CFAP61: variants seen among roughly 807,000 people sequenced by gnomAD.
CFAP61 encodes the protein cilia- and flagella-associated protein 61.
CFAP61 carries 107 observed loss-of-function variants against 135.6 expected under a neutral mutation model. The observed-to-expected ratio is 0.79, with a 90% CI of 0.67 to 0.93. The LOEUF (loss-of-function observed/expected upper bound fraction) is 0.93, where lower values mean the gene tolerates loss of function less well. Among genes scored for constraint, CFAP61 ranks in the 40% least tolerant of loss-of-function variants. CFAP61 has a pLI of 0.00. For synonymous variants in CFAP61, 575 were observed against 578.5 expected, an observed-to-expected ratio of 0.99 and a Z score of 0.09; for missense variants, 1,507 against 1,556.2, an observed-to-expected ratio of 0.97 and a Z score of 0.53.
chr20:20,304,504 A>G (rs1030598280), intron 25 of CFAP61, among the ~76,000 whole-genome samples: 1 of 151,388 alleles, frequency 6.6e-6, no homozygotes, highest in Admixed American at 6.6e-5. Context: ...TCGCTCATGC[A>G]CACCTCACTC....
At chr20:20,247,772 G>A (rs898334183) in intron 19 of CFAP61, among the ~76,000 whole-genome samples, 7 of 152,100 alleles carry the variant, frequency 4.6e-5, no homozygotes, top group South Asian at 2.1e-4. Flanking sequence ...CAGCCTCCTC[G>A]ATGTTCCTCA....
intron 11 of CFAP61, among the ~76,000 whole-genome samples, chr20:20,165,361 A>G (rs1303352519): frequency 1.3e-5 from 2 of 152,276 alleles, no homozygotes; most frequent in South Asian, 2.1e-4. Flanking sequence ...CTCCATGCCA[A>G]ATCTGCAGCT....
intron 8 of CFAP61, among the ~76,000 whole-genome samples, chr20:20,101,493 G>A (rs1196900534): frequency 6.6e-6 from 1 of 152,158 alleles, no homozygotes; most frequent in Non-Finnish European, 1.5e-5. Context: ...GCCTCTCTCT[G>A]CTTTCGTGCA....
chr20:20,118,238 A>G (rs1761319029), intron 8 of CFAP61, among the ~76,000 whole-genome samples: 1 of 144,186 alleles, frequency 6.9e-6, no homozygotes, highest in Non-Finnish European at 1.5e-5. Flanking sequence ...TATGGTCTTC[A>G]TTATTTTGAG....
chr20:20,320,435 A>ATATTATATATATT (rs1171884761), intron 25 of CFAP61, among the ~76,000 whole-genome samples: 1 of 105,576 alleles, frequency 9.5e-6, no homozygotes, highest in African/African-American at 6.1e-5. Context: ...TATGTAATAT[A>ATATTATATATATT]ATATATGTAA....
chr20:20,327,359 G>A (rs1223356557), intron 25 of CFAP61, among the ~76,000 whole-genome samples: 1 of 152,120 alleles, frequency 6.6e-6, no homozygotes. Context: ...CAATGAACAA[G>A]TAATTTTTTA....
chr20:20,163,365 A>T (rs954598838), intron 10 of CFAP61, among the ~76,000 whole-genome samples: 4 of 152,020 alleles, frequency 2.6e-5, no homozygotes, highest in Non-Finnish European at 5.9e-5. Context: ...CACGATAGTT[A>T]CTCCCAGGAC....
chr20:20,164,594 A>G (rs2053669376), intron 11 of CFAP61, among the ~76,000 whole-genome samples: 1 of 152,028 alleles, frequency 6.6e-6, no homozygotes, highest in Non-Finnish European at 1.5e-5. Flanking sequence ...AATCCAACCA[A>G]ACTGGCTTTG....
intron 17 of CFAP61, among the ~76,000 whole-genome samples, chr20:20,218,254 A>G (rs1230762289): frequency 6.6e-6 from 1 of 152,064 alleles, no homozygotes; most frequent in African/African-American, 2.4e-5. Context: ...TTCCTGTGCT[A>G]TTCTCGTGGT....
At chr20:20,125,775 CTTT>C (rs1432551833) in intron 8 of CFAP61, among the ~76,000 whole-genome samples, 1 of 151,572 alleles carries the variant, frequency 6.6e-6, no homozygotes, top group Admixed American at 6.6e-5. Context: ...TCTTTGTTGA[CTTT>C]TTGTCTTGAT....
chr20:20,108,134 A>C (rs1371421542), intron 8 of CFAP61, among the ~76,000 whole-genome samples: 4 of 152,210 alleles, frequency 2.6e-5, no homozygotes, highest in Admixed American at 6.5e-5. Context: ...CATTGTAATT[A>C]AAACACTTAG....
At chr20:20,205,815 G>A (rs2056831295) in intron 17 of CFAP61, among the ~76,000 whole-genome samples, 1 of 152,134 alleles carries the variant, frequency 6.6e-6, no homozygotes, top group Admixed American at 6.5e-5. Flanking sequence ...AATTTTTGTT[G>A]TTACAAAAAA....
chr20:20,221,885 A>T (rs561272591), intron 17 of CFAP61: 1 of 152,214 alleles, frequency 6.6e-6, no homozygotes, highest in Non-Finnish European at 1.5e-5. Flanking sequence ...ATGCCAAATC[A>T]TGCTGTAATC....
intron 6 of CFAP61, among the ~76,000 whole-genome samples, chr20:20,078,822 G>T (rs2046235683): frequency 6.6e-6 from 1 of 152,098 alleles, no homozygotes; most frequent in South Asian, 2.1e-4. Flanking sequence ...ATTTAAAAAG[G>T]CACAGATAGG....
chr20:20,215,054 CACTT>C (rs1480712036), intron 17 of CFAP61: 3 of 152,238 alleles, frequency 2.0e-5, no homozygotes, highest in Non-Finnish European at 2.9e-5. Flanking sequence ...CAGTGCCACT[CACTT>C]ACTCTAGGGC....
chr20:20,277,414 G>T lies in CFAP61; in HGVS notation c.2752G>T (p.Ala918Ser). 1 of 1,613,742 alleles carries T rather than the reference G, an allele frequency of 6.2e-7. No homozygotes were observed. Among genetic ancestry groups the T allele is most frequent in the Non-Finnish European group, 8.5e-7 (1 of 1,179,816 alleles). The change falls in exon 22 of 27, where the codon GCC (alanine) becomes TCC (serine). Residue 918 changes from alanine (A) to serine (S), a missense_variant. By Grantham distance (99) the Ala-to-Ser change is moderately conservative. Transcript: ENST00000245957. ...CCTGCACCCAGACCCCATCTACAGCGCCTCCTTCACCACACCCACCAAGCC... is the reference window on the plus strand; with the variant it reads ...CCTGCACCCAGACCCCATCTACAGCTCCTCCTTCACCACACCCACCAAGCC... ...DGLHPDPIYS[A>S]SFTTPTKPFR... is the part of the protein sequence containing the mutation.
Position 20,074,783 on chromosome 20 carries a change from C to T in CFAP61, c.371+405C>T, listed in dbSNP as rs187889624. ...CATGGAAAATGACCAGCAGGGCTAC[C>T]GAGTCATGGCGATGTGTCTCTGACA... is the stretch of plus-strand genomic sequence containing the variant. On this transcript the variant is annotated intron_variant, in intron 4 of 26. Transcript: ENST00000245957. Among the ~76,000 whole-genome samples the T allele has an allele frequency of 3.3e-5, 5 of 152,252 alleles. No homozygotes were observed. In the East Asian group the frequency reaches 5.8e-4, roughly 18 times the overall value.
At chr20:20,333,746 G>A (rs1459279517) in intron 25 of CFAP61, among the ~76,000 whole-genome samples, 1 of 152,218 alleles carries the variant, frequency 6.6e-6, no homozygotes, top group Admixed American at 6.5e-5. Flanking sequence ...TGAAAACTAA[G>A]ACTCTGGTTG....
intron 13 of CFAP61, 35 bp from the exon 14 acceptor site, chr20:20,187,895 C>CT: frequency 6.4e-7 from 1 of 1,563,910 alleles, no homozygotes. Flanking sequence ...ATATTTAGTA[C>CT]TTTAACTTAA....
Sources: allele counts gnomAD v4.1 joint callset (sites outside exome capture counted in the v4.1 genomes callset), GRCh38; gene constraint gnomAD v4.1.1; transcripts MANE v1.5; gene names NCBI Gene and HGNC (gene_info 2026-07-23, HGNC 2026-07-21).